The following GMDS variants were observed in gnomAD, a reference collection of about 807,000 sequenced individuals.
GMDS encodes the protein GDP-mannose 4,6-dehydratase.
In GMDS, 20 loss-of-function variants were observed where a neutral mutation model predicts 49.9. The ratio of observed to expected loss-of-function variants is 0.40; its 90% confidence interval spans 0.28 to 0.58. The LOEUF is 0.58. GMDS is among the 20% of genes least tolerant of loss of function. GMDS has a pLI of 0.42. For missense variants in GMDS, 362 were observed against 481.4 expected (o/e 0.75, Z 2.32); for synonymous variants, 177 against 178.6 (o/e 0.99, Z 0.07).
chr6:2,105,075 G>A lies in GMDS; in HGVS notation c.345+10696C>T, dbSNP rs190836787. 4.8e-3 allele frequency among the ~76,000 whole-genome samples: 724 copies of A among 151,620 alleles called. 1 individual carries two copies. The highest frequency in any genetic ancestry group is 7.7e-3 in the Non-Finnish European group (524 of 67,876). ...CAGGCACCTGTAGTCCCAGCGACTC[G>A]GGAGGCTGAGGCTGGAGAATGGCGT... On this transcript the variant is annotated intron_variant, in intron 4 of 10. Transcript: ENST00000380815.
chr6:1,829,293 G>A (rs138344774), intron 7 of GMDS, among the ~76,000 whole-genome samples: 85 of 152,202 alleles, frequency 5.6e-4, no homozygotes, highest in Non-Finnish European at 1.2e-3. Flanking sequence ...AGGAAGATAC[G>A]TGTGTGTATC....
At chr6:1,945,365 G>C (rs974551109) in intron 6 of GMDS, among the ~76,000 whole-genome samples, 8 of 152,132 alleles carry the variant, frequency 5.3e-5, no homozygotes, top group Non-Finnish European at 2.9e-5. Flanking sequence ...GACTGAGCCT[G>C]TGTGGCAACA....
rs574445155 is a variant in GMDS at position 1,851,960 on chromosome 6, C to G, written c.771+78143G>C. 9.8e-5 allele frequency among the ~76,000 whole-genome samples: 15 copies of G among 152,308 alleles called. No individual in the cohort carries two copies. The South Asian group carries it at 2.9e-3, about 29-fold the overall frequency. ...TCTGTGACCATGGGTACTAACGTCT[C>G]AGCACCCTATCACTGGCAGGGAGAG... On this transcript the variant is annotated intron_variant, in intron 7 of 10. Transcript: ENST00000380815.
chr6:1,913,163 C>T lies in GMDS; in HGVS notation c.771+16940G>A, dbSNP rs973949684. ...TTGGGAGGCCGAGGCGGGCGGATCA[C>T]GAGGTCAGGAGATCGAGACCATCCC... On this transcript the variant is annotated intron_variant, in intron 7 of 10. Coordinates refer to ENST00000380815, the MANE Select transcript of GMDS (RefSeq NM_001500.4). Among the ~76,000 whole-genome samples the T allele has an allele frequency of 7.9e-5, 12 of 151,920 alleles. No individual in the cohort carries two copies. In the East Asian group the frequency reaches 1.2e-3, roughly 15 times the overall value.
chr6:1,944,934 T>C (rs1406625640), intron 6 of GMDS, among the ~76,000 whole-genome samples: 1 of 152,106 alleles, frequency 6.6e-6, no homozygotes, highest in East Asian at 1.9e-4. Context: ...ATATAGGCAA[T>C]ACCCTGAAAA....
intron 7 of GMDS, among the ~76,000 whole-genome samples, chr6:1,926,431 T>C (rs1762011370): frequency 6.6e-6 from 1 of 152,174 alleles, no homozygotes; most frequent in Admixed American, 6.5e-5. Flanking sequence ...AAGCAACCCA[T>C]ACCACCATCA....
intron 9 of GMDS, among the ~76,000 whole-genome samples, chr6:1,693,830 G>A (rs1340101912): frequency 6.6e-6 from 1 of 152,176 alleles, no homozygotes; most frequent in Non-Finnish European, 1.5e-5. Flanking sequence ...CTGAGCACGT[G>A]CTATGTACCC....
intron 7 of GMDS, among the ~76,000 whole-genome samples, chr6:1,900,393 C>A (rs1169139245): frequency 5.3e-5 from 8 of 152,202 alleles, no homozygotes; most frequent in Non-Finnish European, 1.2e-4. Context: ...ACATAACACA[C>A]AAGCACCAAT....
chr6:1,978,230 G>A (rs920752363), intron 4 of GMDS, among the ~76,000 whole-genome samples: 1 of 152,198 alleles, frequency 6.6e-6, no homozygotes, highest in African/African-American at 2.4e-5. Context: ...TTAAAGGCCA[G>A]ACTGCTACTT....
chr6:1,781,392 G>A lies in GMDS; in HGVS notation c.772-38806C>T, dbSNP rs373066658. Among the ~76,000 whole-genome samples the A allele has an allele frequency of 3.9e-5, 6 of 152,334 alleles. 1 individual carries two copies. The East Asian group carries it at 7.7e-4, about 20-fold the overall frequency. On this transcript the variant is annotated intron_variant, in intron 7 of 10. Coordinates refer to ENST00000380815, the MANE Select transcript of GMDS (RefSeq NM_001500.4). ...GCTCTCGCTGCTTACTCTCGCTGGC[G>A]TGGGTTTCTGCTGTTGTGCTACTCT...
At chr6:2,138,593 CA>C (rs1320269381) in intron 1 of GMDS, among the ~76,000 whole-genome samples, 2 of 152,168 alleles carry the variant, frequency 1.3e-5, no homozygotes, top group African/African-American at 4.8e-5. Context: ...GTGTTTGAGA[CA>C]GGGGGACAGA....
chr6:1,803,678 C>T (rs1254916821), intron 7 of GMDS, among the ~76,000 whole-genome samples: 1 of 152,082 alleles, frequency 6.6e-6, no homozygotes, highest in African/African-American at 2.4e-5. Context: ...TAAAGAAATA[C>T]CTGAGAGGTG....
intron 7 of GMDS, among the ~76,000 whole-genome samples, chr6:1,837,366 A>C (rs897397963): frequency 2.6e-5 from 4 of 152,204 alleles, no homozygotes; most frequent in African/African-American, 9.7e-5. Flanking sequence ...AAAATTACAG[A>C]AATGTGGTCT....
chr6:1,899,390 TC>T (rs2113855992), intron 7 of GMDS, among the ~76,000 whole-genome samples: 1 of 152,208 alleles, frequency 6.6e-6, no homozygotes, highest in African/African-American at 2.4e-5. Context: ...AAGACCGTGG[TC>T]CCCACGCGTC....
intron 9 of GMDS, among the ~76,000 whole-genome samples, chr6:1,663,726 C>CG (rs1764156447): frequency 6.6e-6 from 1 of 152,162 alleles, no homozygotes; most frequent in South Asian, 2.1e-4. Context: ...AGGAGTCCCC[C>CG]GGTGACTGGT....
Position 1,871,220 on chromosome 6 carries a change from C to T in GMDS, c.771+58883G>A, listed in dbSNP as rs913299640. On this transcript the variant is annotated intron_variant, in intron 7 of 10. Coordinates refer to ENST00000380815, the MANE Select transcript of GMDS (RefSeq NM_001500.4). ...TCCAGCTGGGACCTGTTTGTGACTT[C>T]TCGGCCTCACTGTTTGAGACGTTCT... Among the ~76,000 whole-genome samples, 4 of 152,166 alleles carry T rather than the reference C, an allele frequency of 2.6e-5. No homozygotes were observed. In the South Asian group the frequency reaches 8.3e-4, roughly 32 times the overall value.
intron 7 of GMDS, among the ~76,000 whole-genome samples, chr6:1,770,818 G>C (rs1351244862): frequency 1.3e-5 from 2 of 152,202 alleles, no homozygotes; most frequent in Non-Finnish European, 1.5e-5. Flanking sequence ...AAAGCATCCA[G>C]TCAACTGTTC....
chr6:1,913,305 C>T (rs1761171148), intron 7 of GMDS, among the ~76,000 whole-genome samples: 1 of 149,610 alleles, frequency 6.7e-6, no homozygotes, highest in Non-Finnish European at 1.5e-5. Flanking sequence ...GGCGTGAACC[C>T]GGGAGGCGGA....
chr6:1,916,942 TG>T (rs1761436420), intron 7 of GMDS, among the ~76,000 whole-genome samples: 1 of 152,142 alleles, frequency 6.6e-6, no homozygotes, highest in African/African-American at 2.4e-5. Flanking sequence ...TTGTATTTCC[TG>T]TACAGAATGG....
Sources: allele counts gnomAD v4.1 joint callset (sites outside exome capture counted in the v4.1 genomes callset), GRCh38; gene constraint gnomAD v4.1.1; transcripts MANE v1.5; gene names NCBI Gene and HGNC (gene_info 2026-07-23, HGNC 2026-07-21).